CADPS2: variants seen among roughly 807,000 people sequenced by gnomAD.
CADPS2 encodes the protein calcium-dependent secretion activator 2.
CADPS2 carries 93 observed loss-of-function variants against 172.5 expected under a neutral mutation model. The observed-to-expected ratio is 0.54, with a 90% confidence interval of 0.46 to 0.64. CADPS2 has a LOEUF of 0.64. Among genes scored for constraint, CADPS2 ranks in the 30% least tolerant of loss-of-function variants. The pLI is 0.00. For synonymous variants in CADPS2, 546 were observed against 555.2 expected (o/e 0.98, Z 0.23); for missense variants, 1,420 against 1,565.9 (o/e 0.91, Z 1.57).
intron 1 of CADPS2, among the ~76,000 whole-genome samples, chr7:122,818,712 C>A (rs1185773651): frequency 2.0e-5 from 3 of 152,140 alleles, no homozygotes; most frequent in Non-Finnish European, 4.4e-5. Context: ...GTTTTGTTCC[C>A]TGACTAGCCC....
chr7:122,595,158 A>G (rs1321350297), intron 6 of CADPS2, among the ~76,000 whole-genome samples: 2 of 147,008 alleles, frequency 1.4e-5, no homozygotes, highest in Non-Finnish European at 3.0e-5. Flanking sequence ...TGTTATATGA[A>G]CCAAAAAAAA....
intron 7 of CADPS2, among the ~76,000 whole-genome samples, chr7:122,564,621 G>T (rs1440102496): frequency 6.6e-6 from 1 of 151,840 alleles, no homozygotes; most frequent in Non-Finnish European, 1.5e-5. Flanking sequence ...ATTTCTTAAA[G>T]AACTAAAAAT....
At chr7:122,564,826 G>GAC (rs1303615818) in intron 7 of CADPS2, among the ~76,000 whole-genome samples, 7 of 131,184 alleles carry the variant, frequency 5.3e-5, no homozygotes, top group Non-Finnish European at 1.1e-4. Flanking sequence ...TGTGTACACA[G>GAC]ACACACACAT....
In CADPS2 at chr7:122,668,498, G is replaced by A. The variant is rs114618578; in HGVS notation, c.454-4929C>T. 7.7e-3 allele frequency among the ~76,000 whole-genome samples: 1,166 copies of A among 152,018 alleles called. 13 individuals carry two copies. The highest frequency in any genetic ancestry group is 0.026 in the African/African-American group (1,093 of 41,442). ...AATTTGGCAAAATAACTGGATCCAC[G>A]GCAGGTTGGTGGTGTCAGAGTAGAC... On this transcript the variant is annotated intron_variant, in intron 2 of 29. Transcript: ENST00000449022.
At chr7:122,630,835 A>G (rs953323627) in intron 3 of CADPS2, among the ~76,000 whole-genome samples, 2 of 152,164 alleles carry the variant, frequency 1.3e-5, no homozygotes, top group African/African-American at 4.8e-5. Context: ...ATTTTTAAAA[A>G]ACCAAATTCA....
chr7:122,832,446 G>A (rs1806857621), intron 1 of CADPS2, among the ~76,000 whole-genome samples: 3 of 152,138 alleles, frequency 2.0e-5, no homozygotes, highest in African/African-American at 7.2e-5. Context: ...CATTCAAAAA[G>A]CCTAAGTTAA....
At chr7:122,658,193 C>A (rs970892063) in intron 3 of CADPS2, among the ~76,000 whole-genome samples, 37 of 152,206 alleles carry the variant, frequency 2.4e-4, no homozygotes, top group Non-Finnish European at 3.7e-4. Flanking sequence ...CAATGAGATA[C>A]CATCTCACAC....
chr7:122,427,315 A>T (rs1468039238), intron 17 of CADPS2: 1 of 152,152 alleles, frequency 6.6e-6, no homozygotes, highest in African/African-American at 2.4e-5. Flanking sequence ...AATGAACTAA[A>T]ATGGGGGCAC....
At chr7:122,445,822 A>C (rs2052105019) in intron 15 of CADPS2, among the ~76,000 whole-genome samples, 1 of 152,172 alleles carries the variant, frequency 6.6e-6, no homozygotes, top group African/African-American at 2.4e-5. Context: ...AACCTGTCTC[A>C]AAAAAATCAT....
At chr7:122,751,116 T>A (rs952778958) in intron 1 of CADPS2, among the ~76,000 whole-genome samples, 3 of 152,160 alleles carry the variant, frequency 2.0e-5, no homozygotes, top group African/African-American at 7.2e-5. Context: ...TAATTATGAA[T>A]CATATTTTAA....
In CADPS2 at chr7:122,670,628, T is replaced by C. The variant is rs115377196; in HGVS notation, c.454-7059A>G. Reference sequence around the variant, plus strand: ...TTCTCTCACCTCAGCCTCTGGAGTATCTGGGAGTACAGGCACAAGCCACCA... The same window carrying C: ...TTCTCTCACCTCAGCCTCTGGAGTACCTGGGAGTACAGGCACAAGCCACCA... On this transcript the variant is annotated intron_variant, in intron 2 of 29. Transcript: ENST00000449022. Among the ~76,000 whole-genome samples, 541 of 152,012 alleles carry C rather than the reference T, an allele frequency of 3.6e-3. 1 individual carries two copies. Among genetic ancestry groups the C allele is most frequent in the African/African-American group, 0.013 (527 of 41,484 alleles).
chr7:122,497,968 C>G (rs1219676192), intron 9 of CADPS2, among the ~76,000 whole-genome samples: 1 of 151,750 alleles, frequency 6.6e-6, no homozygotes, highest in Non-Finnish European at 1.5e-5. Flanking sequence ...TTGTAATTTG[C>G]TTTTTTTTGA....
At chr7:122,528,142 T>TGGTGGG (rs2061433944) in intron 8 of CADPS2, among the ~76,000 whole-genome samples, 1 of 101,712 alleles carries the variant, frequency 9.8e-6, no homozygotes, top group Non-Finnish European at 2.4e-5. Flanking sequence ...GTGGTGGTGG[T>TGGTGGG]GGTGGTGGTG....
intron 14 of CADPS2, among the ~76,000 whole-genome samples, chr7:122,458,250 T>C (rs1203238208): frequency 1.3e-5 from 2 of 152,148 alleles, no homozygotes; most frequent in Non-Finnish European, 2.9e-5. Context: ...TTCCCACCAA[T>C]ATCCATTTGT....
chr7:122,542,602 T>C (rs1587047883), intron 8 of CADPS2, among the ~76,000 whole-genome samples: 1 of 152,304 alleles, frequency 6.6e-6, no homozygotes, highest in East Asian at 1.9e-4. Flanking sequence ...TAACTTTATC[T>C]ATATTCTTTG....
At chr7:122,408,131 T>C (rs563599986) in intron 19 of CADPS2, among the ~76,000 whole-genome samples, 15 of 152,180 alleles carry the variant, frequency 9.9e-5, no homozygotes, top group African/African-American at 3.6e-4. Context: ...TTCCTGTGAT[T>C]TCACTTTTAA....
At chr7:122,675,998 C>A (rs766749037) in intron 2 of CADPS2, among the ~76,000 whole-genome samples, 2 of 151,746 alleles carry the variant, frequency 1.3e-5, no homozygotes, top group East Asian at 1.9e-4. Flanking sequence ...AAAACAACAA[C>A]AAAAAAAGAA....
intron 6 of CADPS2, among the ~76,000 whole-genome samples, chr7:122,589,766 A>G (rs1587639827): frequency 6.6e-6 from 1 of 151,880 alleles, no homozygotes; most frequent in South Asian, 2.1e-4. Context: ...ATAAACTATG[A>G]AAATGAATGA....
At chr7:122,715,862 G>C (rs1257499537) in intron 2 of CADPS2, among the ~76,000 whole-genome samples, 1 of 151,976 alleles carries the variant, frequency 6.6e-6, no homozygotes, top group Admixed American at 6.6e-5. Flanking sequence ...ACATGATTTT[G>C]CTCCTCTAGA....
Sources: allele counts gnomAD v4.1 joint callset (sites outside exome capture counted in the v4.1 genomes callset), GRCh38; gene constraint gnomAD v4.1.1; transcripts MANE v1.5; gene names NCBI Gene and HGNC (gene_info 2026-07-23, HGNC 2026-07-21).